The following MEIS2 variants were observed in gnomAD, a reference collection of about 807,000 sequenced individuals.
MEIS2 encodes homeobox protein Meis2.
In MEIS2, 9 loss-of-function variants were observed where a neutral mutation model predicts 58.6. That is an observed-to-expected ratio of 0.15 (90% CI 0.09 to 0.27). The LOEUF (loss-of-function observed/expected upper bound fraction) is 0.27, where lower values mean the gene tolerates loss of function less well. Ranked by LOEUF, MEIS2 falls within the 10% of genes least tolerant of loss-of-function variation. The probability of loss-of-function intolerance (pLI) is 1.00; values close to 1 mark genes in which losing one functional copy is unlikely to be tolerated. For missense variants in MEIS2, 427 were observed against 635.0 expected, an observed-to-expected ratio of 0.67 and a Z score of 3.52; for synonymous variants, 221 against 228.4, an observed-to-expected ratio of 0.97 and a Z score of 0.29.
At chr15:36,905,302 A>G (rs1422875460) in intron 9 of MEIS2, among the ~76,000 whole-genome samples, 2 of 152,260 alleles carry the variant, frequency 1.3e-5, no homozygotes, top group African/African-American at 2.4e-5. Flanking sequence ...AACAAAGGAG[A>G]AAAGAATGGT....
chr15:36,993,909 C>A (rs1414048714), intron 8 of MEIS2, among the ~76,000 whole-genome samples: 1 of 152,030 alleles, frequency 6.6e-6, no homozygotes, highest in Non-Finnish European at 1.5e-5. Context: ...CAATGATAGT[C>A]TTGTTACCAG....
chr15:37,010,143 A>G (rs528546612), intron 8 of MEIS2, among the ~76,000 whole-genome samples: 18 of 152,084 alleles, frequency 1.2e-4, no homozygotes, highest in African/African-American at 4.3e-4. Context: ...GCTGGAGTGC[A>G]GTGGCGCGAT....
At chr15:37,071,705 T>C (rs754112963) in intron 7 of MEIS2, among the ~76,000 whole-genome samples, 1 of 151,994 alleles carries the variant, frequency 6.6e-6, no homozygotes, top group Non-Finnish European at 1.5e-5. Flanking sequence ...AGATGTAAAG[T>C]GAAGGATGGG....
intron 7 of MEIS2, among the ~76,000 whole-genome samples, chr15:37,070,957 C>T (rs1456124041): frequency 1.3e-5 from 2 of 151,980 alleles, no homozygotes; most frequent in South Asian, 2.1e-4. Flanking sequence ...GGGAAGCATA[C>T]GGGTCTGCTA....
At position 36,972,547 on chromosome 15, in the gene MEIS2, G is replaced by A. The variant is rs891020838; in HGVS notation, c.901-22147C>T. Among the ~76,000 whole-genome samples the A allele has an allele frequency of 5.9e-5, 9 of 152,120 alleles. No individual in the cohort carries two copies. In the East Asian group the frequency reaches 1.2e-3, roughly 20 times the overall value. ...GCTGGGATTACAGGTGTGAGCCACC[G>A]CACCTGGCCAATAGAAACTATTTTT... is the stretch of plus-strand genomic sequence containing the variant. On this transcript the variant is annotated intron_variant, in intron 8 of 11. Transcript: ENST00000561208.
chr15:36,965,028 G>A (rs1011491417), intron 8 of MEIS2, among the ~76,000 whole-genome samples: 9 of 152,106 alleles, frequency 5.9e-5, no homozygotes, highest in African/African-American at 9.7e-5. Flanking sequence ...GTAAAGAACC[G>A]AACGCAGGAA....
intron 8 of MEIS2, among the ~76,000 whole-genome samples, chr15:36,971,106 G>C (rs186825891): frequency 4.6e-5 from 7 of 151,896 alleles, no homozygotes; most frequent in Admixed American, 1.3e-4. Flanking sequence ...GTGGGCTTGG[G>C]GGGGTGGGGG....
At chr15:36,949,857 G>A (rs966846672) in intron 9 of MEIS2, among the ~76,000 whole-genome samples, 3 of 151,814 alleles carry the variant, frequency 2.0e-5, no homozygotes, top group Middle Eastern at 3.4e-3. Context: ...AAAATATTAG[G>A]GTAAATAAAT....
chr15:37,078,065 G>A (rs978204444), intron 7 of MEIS2, among the ~76,000 whole-genome samples: 1 of 152,158 alleles, frequency 6.6e-6, no homozygotes, highest in African/African-American at 2.4e-5. Flanking sequence ...ATGCTAATGG[G>A]ATCATGAAAG....
chr15:36,891,971 G>T lies in MEIS2; in HGVS notation c.*202C>A. ...TCTTTTTCCAGAGGATCTTTACATG[G>T]ACAGAATTGTCTCAGTCAGCCCATG... On this transcript the variant is annotated 3_prime_UTR_variant, in exon 12 of 12. Transcript: ENST00000561208. The T allele has an allele frequency of 1.6e-6, 1 of 618,794 alleles. No individual in the cohort carries two copies. The highest frequency in any genetic ancestry group is 1.8e-5 in the African/African-American group (1 of 54,376). 38.3% of individuals were successfully genotyped at this position (618,794 alleles called of 1,614,324 possible).
At chr15:36,997,950 C>T (rs903134609) in intron 8 of MEIS2, among the ~76,000 whole-genome samples, 6 of 152,222 alleles carry the variant, frequency 3.9e-5, no homozygotes, top group African/African-American at 1.2e-4. Context: ...TGCACCTTCA[C>T]TGATCCTTGC....
intron 9 of MEIS2, among the ~76,000 whole-genome samples, chr15:36,906,357 C>A (rs1039908768): frequency 6.6e-6 from 1 of 151,812 alleles, no homozygotes; most frequent in African/African-American, 2.4e-5. Flanking sequence ...AAGAGGGAAA[C>A]AAAACGAGCT....
At chr15:36,960,916 A>G (rs1320444487) in intron 8 of MEIS2, among the ~76,000 whole-genome samples, 2 of 152,170 alleles carry the variant, frequency 1.3e-5, no homozygotes, top group African/African-American at 4.8e-5. Context: ...CAACTATAAT[A>G]ACCAACCATA....
intron 8 of MEIS2, among the ~76,000 whole-genome samples, chr15:37,015,258 C>T (rs1304416232): frequency 1.3e-5 from 2 of 152,176 alleles, no homozygotes; most frequent in African/African-American, 4.8e-5. Flanking sequence ...ATTCACTGCT[C>T]AGGGTGTACT....
chr15:36,971,511 T>C (rs1210231104), intron 8 of MEIS2, among the ~76,000 whole-genome samples: 1 of 124,034 alleles, frequency 8.1e-6, no homozygotes, highest in Non-Finnish European at 1.6e-5. Flanking sequence ...AATTCAGCCC[T>C]GTATTACTTG....
At chr15:37,016,867 C>A (rs1052072471) in intron 8 of MEIS2, among the ~76,000 whole-genome samples, 2 of 152,262 alleles carry the variant, frequency 1.3e-5, no homozygotes, top group East Asian at 3.9e-4. Context: ...AAAATTTTAT[C>A]GTGAAGGCAC....
intron 7 of MEIS2, among the ~76,000 whole-genome samples, chr15:37,037,960 GGGCTTTATAGAT>G (rs1386591709): frequency 5.3e-5 from 8 of 152,180 alleles, no homozygotes; most frequent in African/African-American, 1.9e-4. Flanking sequence ...GACAGCACTG[GGGCTTTATAGAT>G]GGCTGTGTTT....
intron 2 of MEIS2, among the ~76,000 whole-genome samples, 168 bp downstream of exon 2, chr15:37,097,799 G>A (rs553086869): frequency 1.3e-5 from 2 of 152,114 alleles, no homozygotes; most frequent in African/African-American, 2.4e-5. Context: ...TGACTCCAGG[G>A]GCAGAAGAGC....
intron 8 of MEIS2, among the ~76,000 whole-genome samples, chr15:36,994,304 T>C (rs1191260658): frequency 6.6e-6 from 1 of 152,196 alleles, no homozygotes; most frequent in Admixed American, 6.5e-5. Flanking sequence ...ATCAAGGGTT[T>C]TCATACCCAC....
Sources: allele counts gnomAD v4.1 joint callset (sites outside exome capture counted in the v4.1 genomes callset), GRCh38; gene constraint gnomAD v4.1.1; transcripts MANE v1.5; gene names NCBI Gene and HGNC (gene_info 2026-07-23, HGNC 2026-07-21).